PIEZO2: variants seen among roughly 807,000 people sequenced by gnomAD.
PIEZO2 encodes the protein piezo-type mechanosensitive ion channel component 2.
Under a neutral mutation model 337.3 loss-of-function variants are expected in PIEZO2, and 172 were observed. The ratio of observed to expected loss-of-function variants is 0.51; its 90% CI spans 0.45 to 0.58. The LOEUF (loss-of-function observed/expected upper bound fraction) is 0.58. Ranked by LOEUF, PIEZO2 falls within the 20% of genes least tolerant of loss-of-function variation. PIEZO2 has a pLI of 0.00. For synonymous variants in PIEZO2, 1,251 were observed against 1,228.5 expected, an observed-to-expected ratio of 1.02 and a Z score of -0.38; for missense variants, 3,028 against 3,391.3, an observed-to-expected ratio of 0.89 and a Z score of 2.66.
At chr18:10,730,803 T>G (rs1220446560) in intron 36 of PIEZO2, among the ~76,000 whole-genome samples, 2 of 152,200 alleles carry the variant, frequency 1.3e-5, no homozygotes, top group Non-Finnish European at 2.9e-5. Context: ...CTTGGCTCAC[T>G]GCAAGCTCCG....
chr18:10,842,379 G>C (rs913902327), intron 7 of PIEZO2, among the ~76,000 whole-genome samples: 1 of 152,172 alleles, frequency 6.6e-6, no homozygotes, highest in Non-Finnish European at 1.5e-5. Flanking sequence ...CACGGGAGCA[G>C]ATCACTCATG....
At chr18:10,907,386 T>C (rs1374055948) in intron 4 of PIEZO2, among the ~76,000 whole-genome samples, 1 of 150,932 alleles carries the variant, frequency 6.6e-6, no homozygotes, top group African/African-American at 2.4e-5. Flanking sequence ...GAGGTTGCAG[T>C]GAGCTGAGAT....
intron 2 of PIEZO2, among the ~76,000 whole-genome samples, chr18:11,042,418 T>C (rs968450527): frequency 1.3e-5 from 2 of 152,206 alleles, no homozygotes; most frequent in Non-Finnish European, 1.5e-5. Flanking sequence ...TGTGGCCACA[T>C]TTTAGATAGC....
In PIEZO2 at chr18:10,810,139, T is replaced by C. The variant is rs555246240; in HGVS notation, c.918-2865A>G. 3.3e-5 allele frequency among the ~76,000 whole-genome samples: 5 copies of C among 152,304 alleles called. No homozygotes were observed. In the East Asian group the frequency reaches 9.7e-4, roughly 29 times the overall value. On this transcript the variant is annotated intron_variant, in intron 7 of 55. Transcript: ENST00000674853. ...TCTGAGCTTTCACTTCCTAATAAAA[T>C]CTAATAATGTTGATGGGTGGGGTGA...
Position 10,705,588 on chromosome 18 carries a change from C to G in PIEZO2, c.5747G>C (p.Gly1916Ala). Residue 1916 changes from glycine (G) to alanine (A), a missense_variant, in exon 41 of 56, where the codon GGT (glycine) becomes GCT (alanine). Transcript: ENST00000674853. ...TGGGGTGAGGCTGGCCTCCTCGGCA[C>G]CCATGGCTCCCACATCGTACCCAGT... is the stretch of plus-strand genomic sequence containing the variant. ...EATGYDVGAMGAEEASLTPEE... is the reference protein window; with the variant it reads ...EATGYDVGAMAAEEASLTPEE... 6.5e-7 allele frequency: 1 copy of G among 1,537,214 alleles called. No homozygotes were observed. Among genetic ancestry groups the G allele is most frequent in the Non-Finnish European group, 8.7e-7 (1 of 1,146,896 alleles).
Position 11,021,357 on chromosome 18 carries a change from AT to A in PIEZO2, c.161-41698del, listed in dbSNP as rs1338849479. 6.6e-6 allele frequency among the ~76,000 whole-genome samples: 1 copy of A among 152,024 alleles called. No individual in the cohort carries two copies. Among genetic ancestry groups the A allele is most frequent in the East Asian group, 1.9e-4 (1 of 5,178 alleles). On this transcript the variant is annotated intron_variant, in intron 2 of 55. Transcript: ENST00000674853. This position sits in a 1 kb window ranked among gnomAD's most constrained non-coding sequence, Gnocchi z 4.7. Reference sequence around the variant, plus strand: ...TAGTCTCCTCTATTCTGAAGAAAACATTTTCTTTTTCCTTCTACAAAAGCAT... The same window carrying A: ...TAGTCTCCTCTATTCTGAAGAAAACATTTCTTTTTCCTTCTACAAAAGCAT...
At position 10,833,276 on chromosome 18, in the gene PIEZO2, A is replaced by G. The variant is rs190308742; in HGVS notation, c.917+22077T>C. On this transcript the variant is annotated intron_variant, in intron 7 of 55. Transcript: ENST00000674853. The surrounding 1 kb of genome is among the most constrained non-coding windows in gnomAD (Gnocchi z 4.7). ...TGGGTGCGTCAGTGGCAGCACAGAG[A>G]TGAAACACAGTTCTGACGCACTGGG... Among the ~76,000 whole-genome samples the G allele has an allele frequency of 3.0e-4, 46 of 152,172 alleles. No homozygotes were observed. The highest frequency in any genetic ancestry group is 2.2e-3 in the Admixed American group (34 of 15,296).
At chr18:10,900,902 T>C (rs554365276) in intron 4 of PIEZO2, among the ~76,000 whole-genome samples, 1 of 152,168 alleles carries the variant, frequency 6.6e-6, no homozygotes, top group African/African-American at 2.4e-5. Flanking sequence ...AGATTCAGAG[T>C]TTTCCCTGGA....
At chr18:10,958,798 T>A (rs1409693934) in intron 3 of PIEZO2, among the ~76,000 whole-genome samples, 1 of 152,174 alleles carries the variant, frequency 6.6e-6, no homozygotes, top group Non-Finnish European at 1.5e-5. Flanking sequence ...CTGTTAAAAC[T>A]ATAAAAATAC....
intron 2 of PIEZO2, among the ~76,000 whole-genome samples, chr18:11,061,154 C>A (rs2037938494): frequency 6.6e-6 from 1 of 152,166 alleles, no homozygotes; most frequent in Non-Finnish European, 1.5e-5. Context: ...ATGACAAAAA[C>A]CGTATGATTA....
chr18:10,876,571 T>C (rs1166207039), intron 4 of PIEZO2, among the ~76,000 whole-genome samples: 1 of 152,214 alleles, frequency 6.6e-6, no homozygotes, highest in East Asian at 1.9e-4. Context: ...TTTCATTCCC[T>C]CATCTAATCA....
chr18:10,728,242 TG>T (rs2036619821), intron 36 of PIEZO2: 1 of 152,616 alleles, frequency 6.6e-6, no homozygotes, highest in African/African-American at 2.4e-5. Flanking sequence ...CAAAGGAAAT[TG>T]GACACTCTTG....
At chr18:10,939,024 G>A (rs2032564740) in intron 3 of PIEZO2, among the ~76,000 whole-genome samples, 1 of 152,006 alleles carries the variant, frequency 6.6e-6, no homozygotes, top group Non-Finnish European at 1.5e-5. Context: ...AGTGGCAGAA[G>A]TTACAGTGAG....
rs928887478 is a variant in PIEZO2 at position 11,048,350 on chromosome 18, G to A, written c.160+17777C>T. 3.3e-5 allele frequency among the ~76,000 whole-genome samples: 5 copies of A among 152,172 alleles called. No homozygotes were observed. The highest frequency in any genetic ancestry group is 5.9e-5 in the Non-Finnish European group (4 of 68,034). On this transcript the variant is annotated intron_variant, in intron 2 of 55. Coordinates refer to ENST00000674853, the MANE Select transcript of PIEZO2 (RefSeq NM_001378183.1). The surrounding 1 kb of genome is among the most constrained non-coding windows in gnomAD (Gnocchi z 4.5). ...GTTACTCATGGCTCTGGGGCCAAGC[G>A]GACTGCCTGGCCCATTTCAGACACT...
chr18:11,094,673 T>C lies in PIEZO2; in HGVS notation c.65-28451A>G, dbSNP rs1378983387. ...ATTTCTCTCAATAAAGTGAAGAAAT[T>C]CCTTTTGAATTTTTCTGTACAGATT... On this transcript the variant is annotated intron_variant, in intron 1 of 55. Coordinates refer to ENST00000674853, the MANE Select transcript of PIEZO2 (RefSeq NM_001378183.1). This position sits in a 1 kb window ranked among gnomAD's most constrained non-coding sequence, Gnocchi z 4.4. Among the ~76,000 whole-genome samples, 1 of 152,196 alleles carries C rather than the reference T, an allele frequency of 6.6e-6. No individual in the cohort carries two copies. Among genetic ancestry groups the C allele is most frequent in the Non-Finnish European group, 1.5e-5 (1 of 68,036 alleles).
rs866200553 is a variant in PIEZO2 at position 11,031,705 on chromosome 18, C to G, written c.160+34422G>C. Among the ~76,000 whole-genome samples, 2 of 152,100 alleles carry G rather than the reference C, an allele frequency of 1.3e-5. No homozygotes were observed. Among genetic ancestry groups the G allele is most frequent in the Non-Finnish European group, 2.9e-5 (2 of 68,022 alleles). ...AGGCTTCCAGAGGAGCCAGATATAA[C>G]CCTTGGTTGCTCTTGGTACGACTTA... On this transcript the variant is annotated intron_variant, in intron 2 of 55. Coordinates refer to ENST00000674853, the MANE Select transcript of PIEZO2 (RefSeq NM_001378183.1). The surrounding 1 kb of genome is among the most constrained non-coding windows in gnomAD (Gnocchi z 4.7).
At chr18:10,762,139 TC>T (rs1428155798) in intron 23 of PIEZO2, among the ~76,000 whole-genome samples, 1 of 152,234 alleles carries the variant, frequency 6.6e-6, no homozygotes, top group African/African-American at 2.4e-5. Flanking sequence ...CTAGAAGAGA[TC>T]ATACTATGCA....
In PIEZO2 at chr18:10,853,911, A is replaced by C. The variant is rs1457483935; in HGVS notation, c.917+1442T>G. ...AGTCCAATATCCAGTGAACATTGAA[A>C]TTTCTCCAATTTAACCCCAAAAAAG... is the stretch of plus-strand genomic sequence containing the variant. On this transcript the variant is annotated intron_variant, in intron 7 of 55. Transcript: ENST00000674853. The surrounding 1 kb of genome is among the most constrained non-coding windows in gnomAD (Gnocchi z 4.2). Among the ~76,000 whole-genome samples, 2 of 152,192 alleles carry C rather than the reference A, an allele frequency of 1.3e-5. No individual in the cohort carries two copies. Among genetic ancestry groups the C allele is most frequent in the Non-Finnish European group, 2.9e-5 (2 of 68,036 alleles).
At chr18:10,913,392 C>T (rs914254993) in intron 3 of PIEZO2, among the ~76,000 whole-genome samples, 20 of 152,066 alleles carry the variant, frequency 1.3e-4, no homozygotes, top group African/African-American at 3.6e-4. Context: ...GGAGGGTCCC[C>T]GGAGGGAAGG....
Sources: gnomAD v4.1 joint callset for allele counts (sites outside exome capture counted in the v4.1 genomes callset) on GRCh38, gnomAD v4.1.1 for gene constraint, Gnocchi (gnomAD v3.1) non-coding constraint, MANE v1.5 for transcripts, NCBI Gene and HGNC (gene_info 2026-07-23, HGNC 2026-07-21) for gene names.